The following DIS3 variants were observed in gnomAD, a reference collection of about 807,000 sequenced individuals.
DIS3 encodes the protein DIS3 exosome endoribonuclease and 3'-5' exoribonuclease, also known as exosome complex exonuclease RRP44.
In DIS3, 103 loss-of-function variants were observed where a neutral mutation model predicts 113.0. The observed-to-expected ratio is 0.91, with a 90% CI of 0.78 to 1.07. The LOEUF is 1.07. Among genes scored for constraint, DIS3 ranks in the 50% least tolerant of loss-of-function variants. DIS3 has a pLI of 0.00. For synonymous variants in DIS3, 402 were observed against 394.3 expected, an observed-to-expected ratio of 1.02 and a Z score of -0.23; for missense variants, 1,121 against 1,167.1, an observed-to-expected ratio of 0.96 and a Z score of 0.58.
At chr13:72,768,170 T>TA (rs2033798887) in intron 14 of DIS3, among the ~76,000 whole-genome samples, 2 of 152,228 alleles carry the variant, frequency 1.3e-5, no homozygotes, top group South Asian at 4.1e-4. Context: ...CTCTGAAACC[T>TA]AATGTCCAAT....
chr13:72,753,422 G>T lies in DIS3; in HGVS notation c.*6373C>A. On this transcript the variant is annotated 3_prime_UTR_variant, in exon 21 of 21. Coordinates refer to ENST00000377767, the MANE Select transcript of DIS3 (RefSeq NM_014953.5). ...GGTACGATCACAAAATAACAGGAAAGCATTGTGTCAGTAGGCTGTTCACTG... is the reference window on the plus strand; with the variant it reads ...GGTACGATCACAAAATAACAGGAAATCATTGTGTCAGTAGGCTGTTCACTG... 1 of 267,498 alleles carries T rather than the reference G, an allele frequency of 3.7e-6. No individual in the cohort carries two copies. Among genetic ancestry groups the T allele is most frequent in the Admixed American group, 5.0e-5 (1 of 19,878 alleles). The allele number at this position is 267,498 out of a possible 1,614,324, so 16.6% of individuals were successfully genotyped here.
chr13:72,768,676 G>A (rs761840427), intron 14 of DIS3, 109 bp downstream of exon 14: 13 of 800,368 alleles, frequency 1.6e-5, no homozygotes, highest in Non-Finnish European at 2.4e-5. Flanking sequence ...ATGGAAGCTA[G>A]AAGAAACAGG....
At position 72,780,716 on chromosome 13, in the gene DIS3, T is replaced by C. The variant is rs1050123647; in HGVS notation, c.386+130A>G. The C allele has an allele frequency of 8.8e-6, 8 of 904,264 alleles. No homozygotes were observed. The African/African-American group carries it at 1.0e-4, about 11-fold the overall frequency. The allele number at this position is 904,264 out of a possible 1,614,324, so 56.0% of individuals were successfully genotyped here. A position where few individuals can be genotyped will look rare whatever the true frequency, so the allele number is the denominator to read the frequency against. On this transcript the variant is annotated intron_variant, in intron 2 of 20. Transcript: ENST00000377767. ...CTTAGCATTATCTTCTGCACAGCCA[T>C]GTAAGAATTAAATAAGGTATGAAAT... is the stretch of plus-strand genomic sequence containing the variant.
intron 5 of DIS3, 131 bp downstream of exon 5, chr13:72,775,792 GAA>G (rs1245614436): frequency 1.3e-6 from 1 of 781,350 alleles, no homozygotes; most frequent in African/African-American, 1.8e-5. Context: ...AAAAAAAAAA[GAA>G]AAAAGTTACT....
intron 5 of DIS3, 113 bp downstream of exon 5, chr13:72,775,812 T>C: frequency 1.0e-6 from 1 of 964,518 alleles, no homozygotes; most frequent in Non-Finnish European, 1.5e-6. Context: ...ACTATTTGCT[T>C]TAAAGTATGT....
At chr13:72,780,325 CAAAAAAAAAAAAAAAA>C (rs397851597) in intron 2 of DIS3, among the ~76,000 whole-genome samples, 2 of 55,384 alleles carry the variant, frequency 3.6e-5, no homozygotes, top group Non-Finnish European at 6.1e-5. Context: ...GACTCCATCT[CAAAAAAAAAAAAAAAA>C]AAAAAAAAAG....
At chr13:72,770,318 C>A (rs1002540505) in intron 13 of DIS3, among the ~76,000 whole-genome samples, 3 of 152,098 alleles carry the variant, frequency 2.0e-5, no homozygotes, top group African/African-American at 7.2e-5. Flanking sequence ...TATAACAGTG[C>A]CCCCATTCTA....
At chr13:72,767,225 G>T (rs1326135992) in intron 14 of DIS3, among the ~76,000 whole-genome samples, 1 of 151,652 alleles carries the variant, frequency 6.6e-6, no homozygotes, top group East Asian at 1.9e-4. Flanking sequence ...TTTCCCAGGA[G>T]GCAACCATCT....
At chr13:72,767,310 G>A (rs796593731) in intron 14 of DIS3, among the ~76,000 whole-genome samples, 24 of 151,976 alleles carry the variant, frequency 1.6e-4, no homozygotes, top group African/African-American at 5.3e-4. Flanking sequence ...TTACAAATGC[G>A]AATTCTTACT....
Position 72,781,860 on chromosome 13 carries a change from C to T in DIS3, c.-28G>A. 6.6e-7 allele frequency: 1 copy of T among 1,515,846 alleles called. No homozygotes were observed. Among genetic ancestry groups the T allele is most frequent in the South Asian group, 1.2e-5 (1 of 81,110 alleles). The allele number at this position is 1,515,846 out of a possible 1,614,324, so 93.9% of individuals were successfully genotyped here. On this transcript the variant is annotated 5_prime_UTR_variant, in exon 1 of 21. Coordinates refer to ENST00000377767, the MANE Select transcript of DIS3 (RefSeq NM_014953.5). ...TGCCTCGCCGCGCAGAATCCTAACC[C>T]CAGCAGCGCTCTTCCAGCAAAAGGC...
chr13:72,761,844 T>G (rs760792925), intron 17 of DIS3, 30 bp from the exon 18 acceptor site: 1 of 1,610,642 alleles, frequency 6.2e-7, no homozygotes, highest in South Asian at 1.1e-5. Context: ...AGAACCATGG[T>G]ATGTCAGTAC....
At chr13:72,763,270 AC>A (rs1200920683) in intron 16 of DIS3, among the ~76,000 whole-genome samples, 180 bp downstream of exon 16, 1 of 151,940 alleles carries the variant, frequency 6.6e-6, no homozygotes, top group Non-Finnish European at 1.5e-5. Flanking sequence ...GTGCCACTGC[AC>A]TCCAGTCTGG....
intron 15 of DIS3, among the ~76,000 whole-genome samples, chr13:72,765,278 C>A (rs1002644110): frequency 6.6e-6 from 1 of 152,126 alleles, no homozygotes; most frequent in African/African-American, 2.4e-5. Context: ...AGTCAAATAA[C>A]TACTTTAGTG....
At chr13:72,773,642 T>G in intron 8 of DIS3, 42 bp downstream of exon 8, 1 of 1,571,738 alleles carries the variant, frequency 6.4e-7, no homozygotes, top group African/African-American at 1.4e-5. Context: ...TCACAAAATT[T>G]TAATTAAACA....
At chr13:72,779,258 T>C (rs568902268) in intron 2 of DIS3, among the ~76,000 whole-genome samples, 1 of 152,030 alleles carries the variant, frequency 6.6e-6, no homozygotes, top group East Asian at 1.9e-4. Flanking sequence ...TAGCTGGGAC[T>C]AGAGGCATGT....
intron 13 of DIS3, among the ~76,000 whole-genome samples, chr13:72,770,537 G>C (rs558044209): frequency 1.3e-5 from 2 of 152,084 alleles, no homozygotes; most frequent in African/African-American, 4.8e-5. Flanking sequence ...GTACTAGCTG[G>C]GTCAAGAAAG....
Position 72,760,597 on chromosome 13 carries a change from C to G in DIS3, c.2725G>C (p.Val909Leu), listed in dbSNP as rs2033599635. ...TVFHVFDKVK[V>L]KIMLDSSNLQ... ...TTAGATGAGTCTAACATGATTTTCA[C>G]TTTAACTTTATCAAATACATGGAAC... is the stretch of plus-strand genomic sequence containing the variant. Residue 909 changes from valine to leucine, a missense_variant, in exon 20 of 21, where the codon GTG (valine) becomes CTG (leucine). By Grantham distance (32) the Val-to-Leu change is conservative. Transcript: ENST00000377767. 1.2e-6 allele frequency: 2 copies of G among 1,613,232 alleles called. No homozygotes were observed. Among genetic ancestry groups the G allele is most frequent in the East Asian group, 2.2e-5 (1 of 44,788 alleles).
In DIS3 at chr13:72,759,607, C is replaced by G; in HGVS notation, c.*188G>C. 1.9e-6 allele frequency: 1 copy of G among 523,344 alleles called. No individual in the cohort carries two copies. The highest frequency in any genetic ancestry group is 3.1e-5 in the East Asian group (1 of 32,150). 32.4% of individuals were successfully genotyped at this position (523,344 alleles called of 1,614,324 possible). ...ATTATTCTGCATAAATAATTCTGTT[C>G]AACCCAGAAGTATAGTAGTATGATG... is the stretch of plus-strand genomic sequence containing the variant. On this transcript the variant is annotated 3_prime_UTR_variant, in exon 21 of 21. Coordinates refer to ENST00000377767, the MANE Select transcript of DIS3 (RefSeq NM_014953.5).
Position 72,759,771 on chromosome 13 carries a change from T to C in DIS3, c.*24A>G, listed in dbSNP as rs1334592897. The C allele has an allele frequency of 1.9e-6, 3 of 1,592,518 alleles. No homozygotes were observed. The Admixed American group carries it at 5.1e-5, about 27-fold the overall frequency. On this transcript the variant is annotated 3_prime_UTR_variant, in exon 21 of 21. Transcript: ENST00000377767. ...TTTTCTTTTAAAAAAGAAACCAGTC[T>C]TTGAAGATTTTTGTTGAATATAGCT...
Sources: allele counts gnomAD v4.1 joint callset (sites outside exome capture counted in the v4.1 genomes callset), GRCh38; gene constraint gnomAD v4.1.1; transcripts MANE v1.5; gene names NCBI Gene and HGNC (gene_info 2026-07-23, HGNC 2026-07-21).